INPP4B: variants seen among roughly 807,000 people sequenced by gnomAD.
The protein encoded by INPP4B is inositol polyphosphate 4-phosphatase type II.
INPP4B carries 55 observed loss-of-function variants against 122.5 expected under a neutral mutation model. The observed-to-expected ratio is 0.45, with a 90% confidence interval of 0.36 to 0.56. The LOEUF (loss-of-function observed/expected upper bound fraction) is 0.56. INPP4B is among the 20% of genes least tolerant of loss of function. INPP4B has a pLI of 0.00. For synonymous variants in INPP4B, 403 were observed against 388.7 expected (o/e 1.04, Z -0.43); for missense variants, 1,000 against 1,097.7 (o/e 0.91, Z 1.26).
At chr4:142,233,782 T>C (rs1240832048) in intron 12 of INPP4B, among the ~76,000 whole-genome samples, 1 of 152,028 alleles carries the variant, frequency 6.6e-6, no homozygotes, top group Non-Finnish European at 1.5e-5. Context: ...TCTTACATTA[T>C]GGTATATTAA....
At chr4:142,411,464 T>A (rs561875226) in intron 5 of INPP4B, among the ~76,000 whole-genome samples, 17 of 152,330 alleles carry the variant, frequency 1.1e-4, no homozygotes, top group African/African-American at 3.8e-4. Flanking sequence ...CCTTCGAATC[T>A]AATGAAAGCT....
chr4:142,675,837 G>T (rs780183198), intron 2 of INPP4B, among the ~76,000 whole-genome samples: 1 of 152,092 alleles, frequency 6.6e-6, no homozygotes, highest in Non-Finnish European at 1.5e-5. Flanking sequence ...GTTATTTATG[G>T]AATGTATCTC....
chr4:142,305,901 A>C, intron 8 of INPP4B: 1 of 1,042,766 alleles, frequency 9.6e-7, no homozygotes, highest in South Asian at 3.1e-5. Context: ...CTCTTATTAG[A>C]ATTCCTCAAA....
chr4:142,393,628 C>T (rs1798421763), intron 7 of INPP4B, among the ~76,000 whole-genome samples: 1 of 152,196 alleles, frequency 6.6e-6, no homozygotes, highest in Non-Finnish European at 1.5e-5. Flanking sequence ...GAACTCTGTC[C>T]TATATTTGCG....
At chr4:142,113,626 G>T (rs1454133986) in intron 21 of INPP4B, among the ~76,000 whole-genome samples, 1 of 151,892 alleles carries the variant, frequency 6.6e-6, no homozygotes, top group Non-Finnish European at 1.5e-5. Context: ...AGCAAGCAGG[G>T]ATGTTAGCAT....
At chr4:142,438,899 T>A (rs1269115593) in intron 3 of INPP4B, among the ~76,000 whole-genome samples, 2 of 152,188 alleles carry the variant, frequency 1.3e-5, no homozygotes, top group African/African-American at 4.8e-5. Context: ...GCCTTCTACA[T>A]GTAAAGATGT....
At chr4:142,723,076 A>G (rs1487988302) in intron 2 of INPP4B, among the ~76,000 whole-genome samples, 1 of 152,176 alleles carries the variant, frequency 6.6e-6, no homozygotes, top group African/African-American at 2.4e-5. Flanking sequence ...TATATTTACA[A>G]CTTATTTCTT....
intron 2 of INPP4B, among the ~76,000 whole-genome samples, chr4:142,659,902 G>A (rs1490703019): frequency 2.9e-5 from 4 of 136,624 alleles, no homozygotes; most frequent in Non-Finnish European, 6.1e-5. Context: ...GTGAGATACA[G>A]TTTTGTCCCA....
intron 1 of INPP4B, among the ~76,000 whole-genome samples, chr4:142,747,968 C>T (rs1421340369): frequency 6.6e-6 from 1 of 152,006 alleles, no homozygotes; most frequent in African/African-American, 2.4e-5. Flanking sequence ...ACGTGTATAC[C>T]TACGTAACAA....
intron 2 of INPP4B, among the ~76,000 whole-genome samples, chr4:142,684,492 C>T (rs1337025210): frequency 6.6e-6 from 1 of 151,964 alleles, no homozygotes; most frequent in African/African-American, 2.4e-5. Context: ...AAAAATTTCT[C>T]CTCTCCCCCA....
chr4:142,305,878 A>G, intron 8 of INPP4B: 1 of 1,073,674 alleles, frequency 9.3e-7, no homozygotes, highest in Non-Finnish European at 1.1e-6. Flanking sequence ...CATATTTACC[A>G]ATGCTGTTGT....
At chr4:142,729,264 T>C (rs1765749403) in intron 1 of INPP4B, among the ~76,000 whole-genome samples, 1 of 152,156 alleles carries the variant, frequency 6.6e-6, no homozygotes, top group Non-Finnish European at 1.5e-5. Flanking sequence ...CACAGACAGT[T>C]ACCTGTCCAC....
At chr4:142,104,760 G>A (rs1354186162) in intron 23 of INPP4B, among the ~76,000 whole-genome samples, 1 of 152,058 alleles carries the variant, frequency 6.6e-6, no homozygotes, top group African/African-American at 2.4e-5. Flanking sequence ...AAATGACACA[G>A]TGTTTATAAA....
At chr4:142,322,050 G>C (rs1770277740) in intron 7 of INPP4B, among the ~76,000 whole-genome samples, 1 of 152,156 alleles carries the variant, frequency 6.6e-6, no homozygotes, top group Non-Finnish European at 1.5e-5. Flanking sequence ...GAGAGTAAGA[G>C]ATTAAGAAGA....
intron 18 of INPP4B, among the ~76,000 whole-genome samples, chr4:142,135,769 GTTTT>G (rs143067447): frequency 0.089 from 13,487 of 151,982 alleles, 775 homozygotes; most frequent in South Asian, 0.19. Context: ...CTGTCAGGGT[GTTTT>G]TTGTTTGTTT....
intron 25 of INPP4B, among the ~76,000 whole-genome samples, chr4:142,061,885 CATATATATATATATATATATAT>C (rs66485353): frequency 5.0e-5 from 7 of 139,338 alleles, no homozygotes; most frequent in African/African-American, 2.1e-4. Flanking sequence ...CACACACACA[CATATATATATATATATATATAT>C]ATATATATAT....
At chr4:142,789,524 G>T (rs554817479) in intron 1 of INPP4B, among the ~76,000 whole-genome samples, 2 of 152,012 alleles carry the variant, frequency 1.3e-5, no homozygotes, top group African/African-American at 4.8e-5. Context: ...AATGAAGGAG[G>T]TTAGGTATAT....
chr4:142,787,608 G>A (rs1775934941), intron 1 of INPP4B, among the ~76,000 whole-genome samples: 2 of 152,122 alleles, frequency 1.3e-5, no homozygotes, highest in South Asian at 4.2e-4. Context: ...TTTATACATT[G>A]AGCTGTCAGC....
chr4:142,235,632 A>G (rs1328013366), intron 12 of INPP4B, among the ~76,000 whole-genome samples: 1 of 152,092 alleles, frequency 6.6e-6, no homozygotes, highest in Non-Finnish European at 1.5e-5. Flanking sequence ...TCACTGTATT[A>G]GCCAGGATGG....
Sources: allele counts gnomAD v4.1 joint callset (sites outside exome capture counted in the v4.1 genomes callset), GRCh38; gene constraint gnomAD v4.1.1; transcripts MANE v1.5; gene names NCBI Gene and HGNC (gene_info 2026-07-23, HGNC 2026-07-21).